The following C4orf50 variants were observed in gnomAD, a reference collection of about 807,000 sequenced individuals.
C4orf50 encodes chromosome 4 open reading frame 50.
C4orf50 carries 80 observed loss-of-function variants against 77.2 expected under a neutral mutation model. The observed-to-expected ratio is 1.04, with a 90% CI of 0.87 to 1.25. The LOEUF (loss-of-function observed/expected upper bound fraction) is 1.25, where lower values mean the gene tolerates loss of function less well. Ranked by LOEUF, C4orf50 falls within the 50% of genes most tolerant of loss-of-function variation. C4orf50 has a pLI of 0.00. For missense variants in C4orf50, 1,257 were observed against 1,152.9 expected, an observed-to-expected ratio of 1.09 and a Z score of -1.31; for synonymous variants, 532 against 465.3, an observed-to-expected ratio of 1.14 and a Z score of -1.84.
At chr4:5,967,599 C>T (rs753639515) in intron 31 of C4orf50, 137 bp from the exon 10 acceptor site, 51 of 717,548 alleles carry the variant, frequency 7.1e-5, no homozygotes, top group Non-Finnish European at 1.3e-4. Context: ...CCAACCCTGC[C>T]TGTGTGCATG....
intron 7 of C4orf50, among the ~76,000 whole-genome samples, chr4:5,940,502 AC>A (rs1421869469): frequency 1.3e-5 from 2 of 152,184 alleles, no homozygotes; most frequent in Non-Finnish European, 2.9e-5. Flanking sequence ...CCTCGCCTCA[AC>A]ATTTTGCTAT....
At chr4:5,940,061 C>T (rs6842930) in intron 7 of C4orf50, among the ~76,000 whole-genome samples, 41,860 of 152,190 alleles carry the variant, frequency 0.28, 7,238 homozygotes, top group African/African-American at 0.49. Flanking sequence ...GTGTTTCTCC[C>T]TTCATAAATA....
In C4orf50 at chr4:5,901,729, A is replaced by T. The variant is rs2152479709; in HGVS notation, c.*2475-3541T>A. ...CAGGAGTGCTCCATTGGCCTTGCCC[A>T]GGGACCCTGGAAATGACTGAGGGGA... On this transcript the variant is annotated intron_variant, in intron 7 of 7. Transcript: ENST00000324058. The surrounding 1 kb of genome is among the most constrained non-coding windows in gnomAD (Gnocchi z 4.4). The T allele has an allele frequency of 6.6e-6, 1 of 152,456 alleles. No homozygotes were observed. Among genetic ancestry groups the T allele is most frequent in the South Asian group, 2.1e-4 (1 of 4,816 alleles). The allele number at this position is 152,456 out of a possible 1,614,324, so 9.4% of individuals were successfully genotyped here.
At chr4:5,914,292 C>T (rs1716941928) in intron 7 of C4orf50, among the ~76,000 whole-genome samples, 1 of 144,952 alleles carries the variant, frequency 6.9e-6, no homozygotes, top group Non-Finnish European at 1.5e-5. Flanking sequence ...GCAACCTCTG[C>T]CTCCCGGGTT....
chr4:6,000,578 C>T lies in C4orf50; in HGVS notation c.964-6102G>A, dbSNP rs984713711. Among the ~76,000 whole-genome samples the T allele has an allele frequency of 8.5e-5, 13 of 152,098 alleles. No individual in the cohort carries two copies. The highest frequency in any genetic ancestry group is 7.2e-4 in the Admixed American group (11 of 15,276). On this transcript the variant is annotated intron_variant, in intron 25 of 33. Transcript: ENST00000531445. The surrounding 1 kb of genome is among the most constrained non-coding windows in gnomAD (Gnocchi z 6.0). ...CCCCCACTGCAACACCAGGGTCCTCCCCCAGTGACCCACGGACTCCACAGG... is the reference window on the plus strand; with the variant it reads ...CCCCCACTGCAACACCAGGGTCCTCTCCCAGTGACCCACGGACTCCACAGG...
rs571308180 is a variant in C4orf50, at chr4:5,914,306, G to A, written c.*2475-16118C>T. On this transcript the variant is annotated intron_variant, in intron 7 of 7. Transcript: ENST00000324058. ...TGCAACCTCTGCCTCCCGGGTTCAT[G>A]CCATTCTCCCGCCTCAGCCTCCTGA... Among the ~76,000 whole-genome samples, 1,132 of 144,414 alleles carry A rather than the reference G, an allele frequency of 7.8e-3. 12 individuals are homozygous for A. Among genetic ancestry groups the A allele is most frequent in the African/African-American group, 0.028 (1,069 of 38,604 alleles). 94.7% of individuals were successfully genotyped at this position (144,414 alleles called of 152,430 possible). A position where few individuals can be genotyped will look rare whatever the true frequency, so the allele number is the denominator to read the frequency against.
chr4:5,959,659 C>T (rs376400117), intron 33 of C4orf50, 33 bp from the exon 12 acceptor site: 100 of 1,581,948 alleles, frequency 6.3e-5, no homozygotes, highest in Middle Eastern at 1.7e-4. Context: ...ATGGTCTCTG[C>T]GTCCACATGT....
chr4:5,926,088 G>A (rs183534164), intron 7 of C4orf50, among the ~76,000 whole-genome samples: 145 of 152,256 alleles, frequency 9.5e-4, no homozygotes, highest in Middle Eastern at 3.4e-3. Flanking sequence ...TTTTCCTTTC[G>A]CCCAACGTGT....
At chr4:6,004,139 GGTGATGATGGTGATGGTGATGATA>G (rs1560598592) in intron 25 of C4orf50, among the ~76,000 whole-genome samples, 1,652 of 109,054 alleles carry the variant, frequency 0.015, 3 homozygotes, top group African/African-American at 0.052. Flanking sequence ...TGATGGTGAT[GGTGATGATGGTGATGGTGATGATA>G]GTGATGATGG....
Position 5,919,645 on chromosome 4 carries a change from G to A in C4orf50, c.*2475-21457C>T, listed in dbSNP as rs1025980816. Among the ~76,000 whole-genome samples, 5 of 152,238 alleles carry A rather than the reference G, an allele frequency of 3.3e-5. No individual in the cohort carries two copies. The highest frequency in any genetic ancestry group is 9.6e-5 in the African/African-American group (4 of 41,544). ...AGGCATTAACCCCAGGTCAGCAAAC[G>A]CCACACTGAGACACTGAGTAGTCAG... On this transcript the variant is annotated intron_variant, in intron 7 of 7. Transcript: ENST00000324058. The surrounding 1 kb of genome is among the most constrained non-coding windows in gnomAD (Gnocchi z 6.5).
In C4orf50 at chr4:5,908,472, C is replaced by T. The variant is rs1017134519; in HGVS notation, c.*2475-10284G>A. Among the ~76,000 whole-genome samples, 19 of 152,018 alleles carry T rather than the reference C, an allele frequency of 1.2e-4. No homozygotes were observed. The highest frequency in any genetic ancestry group is 2.4e-5 in the African/African-American group (1 of 41,386). ...TTCATATGTCCTGGGGAGTTGGCAG[C>T]GACTAGGCTACAGCCTCCCTTCAGA... On this transcript the variant is annotated intron_variant, in intron 7 of 7. Coordinates refer to the C4orf50 transcript ENST00000324058. This position sits in a 1 kb window ranked among gnomAD's most constrained non-coding sequence, Gnocchi z 5.6.
intron 23 of C4orf50, among the ~76,000 whole-genome samples, chr4:6,016,941 C>A (rs920727773): frequency 6.6e-6 from 1 of 152,182 alleles, no homozygotes; most frequent in Non-Finnish European, 1.5e-5. Flanking sequence ...ATATGAGTAA[C>A]GTGTCAGAAT....
rs947911797 is a variant in C4orf50 at position 6,009,096 on chromosome 4, G to A, written c.427-564C>T. 6.6e-6 allele frequency among the ~76,000 whole-genome samples: 1 copy of A among 152,212 alleles called. No individual in the cohort carries two copies. Among genetic ancestry groups the A allele is most frequent in the Non-Finnish European group, 1.5e-5 (1 of 68,030 alleles). ...ACGTTACTAGCCTGAGAGACACTCAGGAGTGACTTGCATATCACGCAGCTA... is the reference window on the plus strand; with the variant it reads ...ACGTTACTAGCCTGAGAGACACTCAAGAGTGACTTGCATATCACGCAGCTA... On this transcript the variant is annotated intron_variant, in intron 24 of 33. Coordinates refer to ENST00000531445, the Ensembl canonical transcript of C4orf50. The surrounding 1 kb of genome is among the most constrained non-coding windows in gnomAD (Gnocchi z 5.6).
chr4:5,942,924 C>T (rs1477253384), intron 7 of C4orf50, among the ~76,000 whole-genome samples: 1 of 152,112 alleles, frequency 6.6e-6, no homozygotes, highest in African/African-American at 2.4e-5. Context: ...TGGTGGAATT[C>T]CATGTGTTTT....
At chr4:5,912,173 C>T (rs533903964) in intron 7 of C4orf50, among the ~76,000 whole-genome samples, 87 of 152,116 alleles carry the variant, frequency 5.7e-4, no homozygotes, top group Middle Eastern at 6.8e-3. Flanking sequence ...TGATTTTAAG[C>T]TGCTGATATG....
intron 33 of C4orf50, among the ~76,000 whole-genome samples, chr4:5,961,314 C>A (rs1368918396): frequency 6.6e-6 from 1 of 152,142 alleles, no homozygotes; most frequent in African/African-American, 2.4e-5. Context: ...GACTCCATCT[C>A]AAAAACAACA....
At chr4:5,980,015 G>T (rs60012784) in intron 29 of C4orf50, among the ~76,000 whole-genome samples, 159 bp downstream of exon 7, 33,582 of 149,280 alleles carry the variant, frequency 0.22, 4,522 homozygotes, top group East Asian at 0.67. Flanking sequence ...GTTTTTTGTT[G>T]TTTTTTTTTT....
chr4:5,959,541 A>G, exon 34 of C4orf50: 1 of 1,614,164 alleles, frequency 6.2e-7, no homozygotes, highest in African/African-American at 1.3e-5. Context: ...TTTTTCTTGC[A>G]GACGTTGTGC....
intron 7 of C4orf50, among the ~76,000 whole-genome samples, chr4:5,936,562 C>CAAAAAAAAAAAAAAAA (rs374200584): frequency 1.3e-5 from 1 of 75,426 alleles, no homozygotes; most frequent in Non-Finnish European, 2.3e-5. Context: ...GACGCCATCT[C>CAAAAAAAAAAAAAAAA]AAAAAAAAAA....
Sources: allele counts gnomAD v4.1 joint callset (sites outside exome capture counted in the v4.1 genomes callset), GRCh38; gene constraint gnomAD v4.1.1; non-coding constraint Gnocchi (gnomAD v3.1); transcripts MANE v1.5; gene names NCBI Gene and HGNC (gene_info 2026-07-23, HGNC 2026-07-21).